Variants in ADGRB3 observed in about 807,000 individuals in gnomAD.
ADGRB3 encodes the protein adhesion G protein-coupled receptor B3.
In ADGRB3, 37 loss-of-function variants were observed where a neutral mutation model predicts 193.4. The observed-to-expected ratio is 0.19, with a 90% CI of 0.15 to 0.25. The LOEUF is 0.25. Among genes scored for constraint, ADGRB3 ranks in the 10% least tolerant of loss-of-function variants. The pLI, the probability that ADGRB3 is intolerant of heterozygous loss-of-function variation, is 1.00. For synonymous variants in ADGRB3, 690 were observed against 644.2 expected, an observed-to-expected ratio of 1.07 and a Z score of -1.08; for missense variants, 1,637 against 1,852.9, an observed-to-expected ratio of 0.88 and a Z score of 2.14.
chr6:68,763,243 A>G (rs1051396486), intron 3 of ADGRB3, among the ~76,000 whole-genome samples: 7 of 151,916 alleles, frequency 4.6e-5, no homozygotes, highest in Non-Finnish European at 1.0e-4. Context: ...GGCGCCCACC[A>G]TAATGCCTAG....
At chr6:68,743,351 TTG>T (rs1554186303) in intron 3 of ADGRB3, among the ~76,000 whole-genome samples, 5 of 150,140 alleles carry the variant, frequency 3.3e-5, no homozygotes, top group African/African-American at 1.2e-4. Flanking sequence ...GTTTTTTTTT[TTG>T]TGTGTGTGTG....
chr6:68,647,926 A>G (rs1768253166), intron 3 of ADGRB3, among the ~76,000 whole-genome samples: 1 of 152,134 alleles, frequency 6.6e-6, no homozygotes, highest in South Asian at 2.1e-4. Context: ...ATCCCCCCAC[A>G]ATGCTTACAT....
At chr6:69,197,874 C>A (rs1052057244) in intron 17 of ADGRB3, among the ~76,000 whole-genome samples, 3 of 151,974 alleles carry the variant, frequency 2.0e-5, no homozygotes, top group Non-Finnish European at 4.4e-5. Context: ...GCTTTTCCTC[C>A]CTTTGTGCCT....
chr6:69,202,310 G>T (rs549928108), intron 17 of ADGRB3, among the ~76,000 whole-genome samples: 15 of 152,066 alleles, frequency 9.9e-5, no homozygotes, highest in Non-Finnish European at 1.6e-4. Flanking sequence ...TCTAGGAAGG[G>T]TTACTAAAAC....
At chr6:68,753,038 T>C (rs1009557424) in intron 3 of ADGRB3, among the ~76,000 whole-genome samples, 21 of 152,122 alleles carry the variant, frequency 1.4e-4, no homozygotes, top group African/African-American at 5.1e-4. Flanking sequence ...AAGATGTTAA[T>C]GACATGAGCC....
Position 69,339,526 on chromosome 6 carries a change from G to A in ADGRB3, c.3459+22G>A, listed in dbSNP as rs767136334. On this transcript the variant is annotated intron_variant, in intron 26 of 31. Transcript: ENST00000370598. ...AGAGGTGAGAAGCATTCTTGTGATA[G>A]AGAACAGTGATGGTTGGAATGGTAT... 31 of 1,603,114 alleles carry A rather than the reference G, an allele frequency of 1.9e-5. No homozygotes were observed. The Middle Eastern group carries it at 5.0e-4, about 26-fold the overall frequency.
chr6:69,143,403 C>T (rs1774394438), intron 17 of ADGRB3, among the ~76,000 whole-genome samples: 1 of 152,102 alleles, frequency 6.6e-6, no homozygotes, highest in African/African-American at 2.4e-5. Context: ...CTCATTTGTA[C>T]ATGTTTACTT....
At chr6:68,924,645 T>C (rs1223394553) in intron 3 of ADGRB3, among the ~76,000 whole-genome samples, 3 of 151,990 alleles carry the variant, frequency 2.0e-5, no homozygotes, top group Non-Finnish European at 4.4e-5. Context: ...TTTTTAGAAG[T>C]GCCCTAAAAT....
chr6:69,254,754 T>A (rs926934730), intron 20 of ADGRB3, among the ~76,000 whole-genome samples: 12 of 151,630 alleles, frequency 7.9e-5, no homozygotes, highest in Admixed American at 6.6e-4. Context: ...ATGTGCACAA[T>A]CTGCAGGTTA....
chr6:69,133,051 A>G (rs534318456), intron 17 of ADGRB3, among the ~76,000 whole-genome samples: 1 of 152,274 alleles, frequency 6.6e-6, no homozygotes, highest in South Asian at 2.1e-4. Context: ...ATTTGAAGTC[A>G]GGTAGCATGA....
intron 10 of ADGRB3, among the ~76,000 whole-genome samples, chr6:68,981,233 CTT>C (rs1014161705): frequency 6.6e-6 from 1 of 151,546 alleles, no homozygotes; most frequent in African/African-American, 2.4e-5. Flanking sequence ...GCAGAAGTCT[CTT>C]TATTTTATTC....
chr6:69,272,392 A>T (rs1767199294), intron 20 of ADGRB3, among the ~76,000 whole-genome samples: 1 of 152,206 alleles, frequency 6.6e-6, no homozygotes. Context: ...TCTGCACAAC[A>T]AAAGAATGGA....
intron 3 of ADGRB3, among the ~76,000 whole-genome samples, chr6:68,905,305 C>A (rs1305593151): frequency 1.3e-5 from 2 of 152,104 alleles, no homozygotes; most frequent in African/African-American, 4.8e-5. Context: ...TCGTGATAGG[C>A]TAATCCTTTT....
chr6:68,861,161 C>A (rs6455306), intron 3 of ADGRB3, among the ~76,000 whole-genome samples: 6 of 152,112 alleles, frequency 3.9e-5, no homozygotes, highest in African/African-American at 1.4e-4. Flanking sequence ...ATGAAATAAA[C>A]CCTATTATCC....
chr6:69,018,645 T>G (rs1388684281), intron 13 of ADGRB3, 146 bp downstream of exon 13: 2 of 577,260 alleles, frequency 3.5e-6, no homozygotes, highest in Admixed American at 6.1e-5. Context: ...GGTATCTGAC[T>G]TTTAGATGGG....
At chr6:69,118,417 C>G (rs888583661) in intron 17 of ADGRB3, among the ~76,000 whole-genome samples, 4 of 151,098 alleles carry the variant, frequency 2.6e-5, no homozygotes, top group Non-Finnish European at 4.4e-5. Context: ...CAAGAAGATG[C>G]CTACAAGAGA....
rs573157317 is a variant in ADGRB3, at chr6:69,103,999, T to C, written c.2480+27961T>C. The stretch of plus-strand genomic sequence containing the variant: ...TCATCTATTCTGAAGTTGGAATTTT[T>C]GTTTGTATCGTAGATTCCATTAAAC... On this transcript the variant is annotated intron_variant, in intron 17 of 31. Coordinates refer to ENST00000370598, the MANE Select transcript of ADGRB3 (RefSeq NM_001704.3). 5.3e-4 allele frequency among the ~76,000 whole-genome samples: 80 copies of C among 152,254 alleles called. 2 individuals are homozygous for C. Among genetic ancestry groups the C allele is most frequent in the Admixed American group, 1.9e-3 (29 of 15,260 alleles).
intron 20 of ADGRB3, among the ~76,000 whole-genome samples, chr6:69,308,812 A>G (rs1178707269): frequency 6.6e-6 from 1 of 151,658 alleles, no homozygotes; most frequent in Non-Finnish European, 1.5e-5. Flanking sequence ...TGCTCCAGCC[A>G]TCGTGTAAAC....
intron 20 of ADGRB3, among the ~76,000 whole-genome samples, chr6:69,275,299 T>C (rs1172889903): frequency 6.6e-6 from 1 of 152,138 alleles, no homozygotes; most frequent in Non-Finnish European, 1.5e-5. Flanking sequence ...TCTTTCATCT[T>C]TATTCCAACT....
Sources: gnomAD v4.1 joint callset for allele counts (sites outside exome capture counted in the v4.1 genomes callset) on GRCh38, gnomAD v4.1.1 for gene constraint, MANE v1.5 for transcripts, NCBI Gene and HGNC (gene_info 2026-07-23, HGNC 2026-07-21) for gene names.